ANKRD13B: variants seen among roughly 807,000 people sequenced by gnomAD.
ANKRD13B encodes the protein ankyrin repeat domain 13B, also known as ankyrin repeat domain-containing protein 13B.
A neutral mutation model predicts 74.4 loss-of-function variants in ANKRD13B; 33 were observed. The observed-to-expected ratio is 0.44, with a 90% confidence interval of 0.34 to 0.59. The LOEUF (loss-of-function observed/expected upper bound fraction) is 0.59, where lower values mean the gene tolerates loss of function less well. Among genes scored for constraint, ANKRD13B ranks in the 20% least tolerant of loss-of-function variants. ANKRD13B has a pLI of 0.02. For synonymous variants in ANKRD13B, 341 were observed against 362.9 expected (o/e 0.94, Z 0.68); for missense variants, 676 against 877.9 (o/e 0.77, Z 2.91).
At chr17:29,600,912 A>G (rs1484840396) in intron 1 of ANKRD13B, among the ~76,000 whole-genome samples, 1 of 127,400 alleles carries the variant, frequency 7.8e-6, no homozygotes. Flanking sequence ...GGTTTTAAAT[A>G]TTTTACTGAC....
At chr17:29,610,789 G>C (rs762869944) in intron 8 of ANKRD13B, 23 bp downstream of exon 8, 1 of 1,611,988 alleles carries the variant, frequency 6.2e-7, no homozygotes, top group Non-Finnish European at 8.5e-7. Context: ...AGCTGGATGG[G>C]GAGAGGTGTT....
At chr17:29,613,190 C>CT in intron 14 of ANKRD13B, 164 bp from the exon 15 acceptor site, 1 of 1,257,822 alleles carries the variant, frequency 8.0e-7, no homozygotes, top group East Asian at 2.6e-5. Flanking sequence ...TTGGTAGGGT[C>CT]TGGGCTCCGC....
At chr17:29,602,036 T>C (rs1050913502) in intron 1 of ANKRD13B, among the ~76,000 whole-genome samples, 2 of 152,248 alleles carry the variant, frequency 1.3e-5, no homozygotes, top group Non-Finnish European at 2.9e-5. Flanking sequence ...ATTGAATTTC[T>C]TGGTTCTTGG....
chr17:29,605,806 T>C (rs568412654), intron 1 of ANKRD13B, among the ~76,000 whole-genome samples: 17 of 152,160 alleles, frequency 1.1e-4, no homozygotes, highest in Non-Finnish European at 1.9e-4. Context: ...TCATTGTTTA[T>C]GGTGGCAGAG....
At chr17:29,600,705 G>T (rs560708626) in intron 1 of ANKRD13B, among the ~76,000 whole-genome samples, 6 of 151,894 alleles carry the variant, frequency 4.0e-5, no homozygotes, top group Non-Finnish European at 7.4e-5. Context: ...CCCATTGCCT[G>T]CAGGTCCTAC....
intron 1 of ANKRD13B, among the ~76,000 whole-genome samples, chr17:29,594,270 A>G (rs1293983825): frequency 6.6e-6 from 1 of 152,198 alleles, no homozygotes; most frequent in African/African-American, 2.4e-5. Flanking sequence ...GCTCAGGAAC[A>G]GGGAGTGGAG....
intron 14 of ANKRD13B, 176 bp downstream of exon 14, chr17:29,613,139 C>T (rs2034663721): frequency 1.2e-5 from 14 of 1,155,804 alleles, no homozygotes; most frequent in Non-Finnish European, 1.7e-5. Flanking sequence ...CCAGGCTTCA[C>T]CGCGGAGTTC....
At chr17:29,599,865 G>GT (rs35600194) in intron 1 of ANKRD13B, among the ~76,000 whole-genome samples, 7,445 of 50,564 alleles carry the variant, frequency 0.15, 2,893 homozygotes, top group African/African-American at 0.24. Context: ...CATCTAATTT[G>GT]TTTTTTTTTT....
chr17:29,613,444 C>T lies in ANKRD13B; in HGVS notation c.1743C>T (p.His581=), dbSNP rs1249579924. The part of the protein sequence containing the change: ...RPSSGPGSGG[H]VFRSYDEQLR... ...GCTCAGGGCCAGGTTCCGGCGGCCACGTGTTCCGGAGCTACGACGAGCAGC... is the reference window on the plus strand; with the variant it reads ...GCTCAGGGCCAGGTTCCGGCGGCCATGTGTTCCGGAGCTACGACGAGCAGC... Residue 581 remains histidine, a synonymous_variant, in exon 15 of 15, where the codon CAC becomes CAT. Coordinates refer to ENST00000394859, the MANE Select transcript of ANKRD13B (RefSeq NM_152345.5). The T allele has an allele frequency of 1.3e-6, 2 of 1,531,854 alleles. No homozygotes were observed. Among genetic ancestry groups the T allele is most frequent in the Admixed American group, 2.0e-5 (1 of 49,922 alleles). 94.9% of individuals were successfully genotyped at this position (1,531,854 alleles called of 1,614,324 possible). A position where few individuals can be genotyped will look rare whatever the true frequency, so the allele number is the denominator to read the frequency against.
At position 29,612,593 on chromosome 17, in the gene ANKRD13B, C is replaced by T. The variant is rs969214244; in HGVS notation, c.1411+39C>T. On this transcript the variant is annotated intron_variant, in intron 12 of 14. Coordinates refer to ENST00000394859, the MANE Select transcript of ANKRD13B (RefSeq NM_152345.5). The surrounding 1 kb of genome is among the most constrained non-coding windows in gnomAD (Gnocchi z 6.1). ...CGAGAACGCCTGCCCCTCGGCTCTC[C>T]CCGGGGTGGGTGGGAGGGGCGCGCC... 4.3e-6 allele frequency: 2 copies of T among 459,816 alleles called. No homozygotes were observed. Among genetic ancestry groups the T allele is most frequent in the African/African-American group, 4.1e-5 (2 of 48,688 alleles). 28.5% of individuals were successfully genotyped at this position (459,816 alleles called of 1,614,324 possible). A position where few individuals can be genotyped will look rare whatever the true frequency, so the allele number is the denominator to read the frequency against.
rs1486180863 is a variant in ANKRD13B at position 29,609,147 on chromosome 17, G to A, written c.627G>A (p.Leu209=). The A allele has an allele frequency of 5.6e-6, 9 of 1,612,442 alleles. No individual in the cohort carries two copies. The highest frequency in any genetic ancestry group is 5.9e-6 in the Non-Finnish European group (7 of 1,180,038). The change falls in exon 6 of 15, where the codon CTG becomes CTA. Residue 209 remains leucine (L), a synonymous_variant. Coordinates refer to ENST00000394859, the MANE Select transcript of ANKRD13B (RefSeq NM_152345.5). The surrounding 1 kb of genome is among the most constrained non-coding windows in gnomAD (Gnocchi z 4.0). ...GCCGGGTGGTGTACACAGAGACTCT[G>A]GCACTGGCTGGGCAGGACCGGGAGC... ...HDRRVVYTET[L]ALAGQDRELL...
chr17:29,598,149 A>G (rs1236426150), intron 1 of ANKRD13B, among the ~76,000 whole-genome samples: 2 of 152,172 alleles, frequency 1.3e-5, no homozygotes, highest in African/African-American at 2.4e-5. Context: ...ATTGGACAAG[A>G]GTAAACAACA....
intron 1 of ANKRD13B, among the ~76,000 whole-genome samples, chr17:29,600,094 T>C (rs2034114292): frequency 6.6e-6 from 1 of 152,096 alleles, no homozygotes; most frequent in Non-Finnish European, 1.5e-5. Flanking sequence ...GCCAGGATGG[T>C]CTCGATCTCC....
At chr17:29,601,281 G>GGA (rs2034168810) in intron 1 of ANKRD13B, among the ~76,000 whole-genome samples, 2 of 150,088 alleles carry the variant, frequency 1.3e-5, no homozygotes, top group Non-Finnish European at 3.0e-5. Context: ...GAGTGCAGTG[G>GGA]TGCGATCTCT....
In ANKRD13B at chr17:29,609,487, T is replaced by G; in HGVS notation, c.822+66T>G. 2 of 1,575,170 alleles carry G rather than the reference T, an allele frequency of 1.3e-6. No individual in the cohort carries two copies. The highest frequency in any genetic ancestry group is 1.7e-6 in the Non-Finnish European group (2 of 1,151,872). On this transcript the variant is annotated intron_variant, in intron 7 of 14. Coordinates refer to ENST00000394859, the MANE Select transcript of ANKRD13B (RefSeq NM_152345.5). This position sits in a 1 kb window ranked among gnomAD's most constrained non-coding sequence, Gnocchi z 4.0. Reference sequence around the variant, plus strand: ...TGCCTACAGCAAGCTGTACAGGGGATTCTGACCTCCCTTCCCCAGCCCTGG... The same window carrying G: ...TGCCTACAGCAAGCTGTACAGGGGAGTCTGACCTCCCTTCCCCAGCCCTGG...
rs2034520602 is a variant in ANKRD13B, at chr17:29,609,898, A to G, written c.822+477A>G. Among the ~76,000 whole-genome samples, 1 of 152,152 alleles carries G rather than the reference A, an allele frequency of 6.6e-6. No individual in the cohort carries two copies. The highest frequency in any genetic ancestry group is 2.4e-5 in the African/African-American group (1 of 41,420). On this transcript the variant is annotated intron_variant, in intron 7 of 14. Transcript: ENST00000394859. This position sits in a 1 kb window ranked among gnomAD's most constrained non-coding sequence, Gnocchi z 4.0. The stretch of plus-strand genomic sequence containing the variant: ...ACCCTAGAGCCAGGCCTTTATCCCT[A>G]AAAATGACTGCCTGGCTGGGCATGG...
rs1439087487 is a variant in ANKRD13B at position 29,593,712 on chromosome 17, GAGA to G, written c.94_96del (p.Lys32del). ...GTGGCACAACCGCCACCGCGAGCTG[GAGA>G]AGGAGGTCCGCGCGGGCCAGGTAGG... On this transcript the variant is annotated inframe_deletion, in exon 1 of 15. Coordinates refer to ENST00000394859, the MANE Select transcript of ANKRD13B (RefSeq NM_152345.5). The G allele has an allele frequency of 3.5e-6, 5 of 1,435,646 alleles. No individual in the cohort carries two copies. The highest frequency in any genetic ancestry group is 2.8e-6 in the Non-Finnish European group (3 of 1,084,688). The allele number at this position is 1,435,646 out of a possible 1,614,324, so 88.9% of individuals were successfully genotyped here. A position where few individuals can be genotyped will look rare whatever the true frequency, so the allele number is the denominator to read the frequency against.
intron 1 of ANKRD13B, among the ~76,000 whole-genome samples, chr17:29,594,331 C>T (rs1193156180): frequency 6.6e-6 from 1 of 152,220 alleles, no homozygotes; most frequent in Non-Finnish European, 1.5e-5. Context: ...CTGAAAAGCG[C>T]TCTCCTGCCC....
At chr17:29,594,776 C>T (rs898724992) in intron 1 of ANKRD13B, among the ~76,000 whole-genome samples, 2 of 152,184 alleles carry the variant, frequency 1.3e-5, no homozygotes, top group Non-Finnish European at 2.9e-5. Context: ...AGCGCAGTTG[C>T]CCGCTGTGGG....
Sources: allele counts gnomAD v4.1 joint callset (sites outside exome capture counted in the v4.1 genomes callset), GRCh38; gene constraint gnomAD v4.1.1; non-coding constraint Gnocchi (gnomAD v3.1); transcripts MANE v1.5; gene names NCBI Gene and HGNC (gene_info 2026-07-23, HGNC 2026-07-21).